Variants in GRIK1 observed in about 807,000 individuals in gnomAD.
The protein encoded by GRIK1 is glutamate ionotropic receptor kainate type subunit 1, also known as glutamate receptor ionotropic, kainate 1.
In GRIK1, 69 loss-of-function variants were observed where a neutral mutation model predicts 105.7. The ratio of observed to expected loss-of-function variants is 0.65; its 90% CI spans 0.54 to 0.80. The LOEUF is 0.80. Among genes scored for constraint, GRIK1 ranks in the 30% least tolerant of loss-of-function variants. The pLI is 0.00. For missense variants in GRIK1, 1,109 were observed against 1,167.3 expected (o/e 0.95, Z 0.73); for synonymous variants, 438 against 431.3 (o/e 1.02, Z -0.19).
intron 1 of GRIK1, among the ~76,000 whole-genome samples, chr21:29,882,966 C>T (rs1324066559): frequency 6.6e-6 from 1 of 152,030 alleles, no homozygotes; most frequent in Non-Finnish European, 1.5e-5. Context: ...TCCAACCAGC[C>T]CCCAAGGTCC....
At chr21:29,882,620 A>G (rs974822355) in intron 1 of GRIK1, among the ~76,000 whole-genome samples, 5 of 152,244 alleles carry the variant, frequency 3.3e-5, no homozygotes, top group African/African-American at 1.2e-4. Context: ...ATGCGCAAAG[A>G]ACTTACAAAG....
At chr21:29,606,586 G>C (rs2061620714) in intron 7 of GRIK1, among the ~76,000 whole-genome samples, 1 of 151,956 alleles carries the variant, frequency 6.6e-6, no homozygotes, top group Admixed American at 6.6e-5. Context: ...ATTGGAAATG[G>C]TCCTACGATG....
intron 7 of GRIK1, among the ~76,000 whole-genome samples, chr21:29,638,512 C>G (rs1212463468): frequency 6.6e-6 from 1 of 152,108 alleles, no homozygotes; most frequent in Non-Finnish European, 1.5e-5. Context: ...AAAGAGGTGG[C>G]AAAATAACAA....
At chr21:29,852,860 T>C (rs1291831613) in intron 1 of GRIK1, among the ~76,000 whole-genome samples, 3 of 152,222 alleles carry the variant, frequency 2.0e-5, no homozygotes, top group East Asian at 3.9e-4. Context: ...TTTTAGTGCT[T>C]CTTTAAGTTA....
chr21:29,552,959 A>G (rs1464721293), intron 16 of GRIK1, among the ~76,000 whole-genome samples: 1 of 152,026 alleles, frequency 6.6e-6, no homozygotes, highest in Non-Finnish European at 1.5e-5. Flanking sequence ...CTTTCTGTGG[A>G]TCACGGTTTT....
chr21:29,635,023 T>C (rs180923007), intron 7 of GRIK1, among the ~76,000 whole-genome samples: 1 of 152,324 alleles, frequency 6.6e-6, no homozygotes, highest in East Asian at 1.9e-4. Context: ...GAGGCTATTT[T>C]AACAGTCCAG....
intron 1 of GRIK1, among the ~76,000 whole-genome samples, chr21:29,717,637 C>A (rs181441773): frequency 1.3e-5 from 2 of 152,326 alleles, no homozygotes; most frequent in Middle Eastern, 3.4e-3. Flanking sequence ...AATGTCTACA[C>A]CCCCAATTGT....
chr21:29,670,140 G>C (rs2063135768), intron 4 of GRIK1, among the ~76,000 whole-genome samples: 2 of 152,120 alleles, frequency 1.3e-5, no homozygotes, highest in Admixed American at 1.3e-4. Context: ...TTAAAAAAGG[G>C]TTCTTATCTC....
chr21:29,555,164 A>G lies in GRIK1; in HGVS notation c.2495T>C (p.Val832Ala). 6.2e-7 allele frequency: 1 copy of G among 1,613,622 alleles called. No homozygotes were observed. Among genetic ancestry groups the G allele is most frequent in the East Asian group, 2.2e-5 (1 of 44,840 alleles). ...AATGAAGATGCCTCCAATATTTTCC[A>G]CTCCCAGGGCACTGGCTTCTTTGTT... ...EDNKEASALGVENIGGIFIVL... is the reference protein window; with the variant it reads ...EDNKEASALGAENIGGIFIVL... The change falls in exon 16 of 18, where the codon GTG becomes GCG. Residue 832 changes from valine (V) to alanine (A), a missense_variant. Transcript: ENST00000327783.
chr21:29,595,340 G>GTTTTTTTTTTTTTTTTTTTT (rs71191119), intron 9 of GRIK1, among the ~76,000 whole-genome samples: 1 of 136,976 alleles, frequency 7.3e-6, no homozygotes. Context: ...AGTGTAATAG[G>GTTTTTTTTTTTTTTTTTTTT]TTTTTTTTTT....
At chr21:29,584,342 C>T (rs992169698) in intron 12 of GRIK1, among the ~76,000 whole-genome samples, 6 of 151,884 alleles carry the variant, frequency 4.0e-5, no homozygotes, top group African/African-American at 1.5e-4. Context: ...TTAAAAATGT[C>T]CATTTTTAAG....
At chr21:29,741,209 G>A (rs984666460) in intron 1 of GRIK1, among the ~76,000 whole-genome samples, 1 of 152,158 alleles carries the variant, frequency 6.6e-6, no homozygotes, top group East Asian at 1.9e-4. Context: ...CACAATTTAG[G>A]CAATTGAGTT....
intron 15 of GRIK1, among the ~76,000 whole-genome samples, chr21:29,560,364 T>TCTTTTTCTTCCTTC (rs2090394814): frequency 2.8e-5 from 1 of 35,886 alleles, no homozygotes; most frequent in African/African-American, 1.3e-4. Context: ...TCTTTTTCTT[T>TCTTTTTCTTCCTTC]CTTCCTTCCT....
At chr21:29,754,335 T>C (rs2065280740) in intron 1 of GRIK1, among the ~76,000 whole-genome samples, 1 of 152,120 alleles carries the variant, frequency 6.6e-6, no homozygotes, top group African/African-American at 2.4e-5. Context: ...GCGTCATGCC[T>C]ACAAAGACTG....
At position 29,920,287 on chromosome 21, in the gene GRIK1, G is replaced by C. The variant is rs142570883; in HGVS notation, c.118+19096C>G. Among the ~76,000 whole-genome samples, 91 of 151,998 alleles carry C rather than the reference G, an allele frequency of 6.0e-4. 1 individual carries two copies. In the East Asian group the frequency reaches 0.014, roughly 23 times the overall value. On this transcript the variant is annotated intron_variant, in intron 1 of 17. Coordinates refer to ENST00000327783, the MANE Select transcript of GRIK1 (RefSeq NM_001330994.2). ...GTTTCATTTTCCCATTATTAGAAAG[G>C]GCTACTATATGTACACACACAGTCT...
chr21:29,615,928 A>G (rs941605668), intron 7 of GRIK1, among the ~76,000 whole-genome samples: 2 of 152,132 alleles, frequency 1.3e-5, no homozygotes, highest in East Asian at 1.9e-4. Context: ...AGGGCTCCCA[A>G]GTCTTCTATA....
intron 1 of GRIK1, among the ~76,000 whole-genome samples, chr21:29,756,619 T>G (rs947929976): frequency 3.3e-5 from 5 of 151,624 alleles, no homozygotes; most frequent in Non-Finnish European, 7.4e-5. Flanking sequence ...AAATATCCAA[T>G]GAATACCAGG....
At chr21:29,709,441 C>CGGCTAATT (rs2063993435) in intron 1 of GRIK1, among the ~76,000 whole-genome samples, 1 of 151,794 alleles carries the variant, frequency 6.6e-6, no homozygotes, top group Non-Finnish European at 1.5e-5. Context: ...CCACCATGCC[C>CGGCTAATT]GGCTAATTTT....
At chr21:29,551,666 CA>C (rs1277362909) in intron 16 of GRIK1, among the ~76,000 whole-genome samples, 6 of 151,998 alleles carry the variant, frequency 3.9e-5, no homozygotes. Flanking sequence ...TTTCTTTATC[CA>C]AATCTCTGAA....
Sources: allele counts gnomAD v4.1 joint callset (sites outside exome capture counted in the v4.1 genomes callset), GRCh38; gene constraint gnomAD v4.1.1; transcripts MANE v1.5; gene names NCBI Gene and HGNC (gene_info 2026-07-23, HGNC 2026-07-21).